The following ATF7IP variants were observed in gnomAD, a reference collection of about 807,000 sequenced individuals.
ATF7IP encodes the protein activating transcription factor 7-interacting protein 1.
Under a neutral mutation model 106.4 loss-of-function variants are expected in ATF7IP, and 23 were observed. That is an observed-to-expected ratio of 0.22 (90% confidence interval 0.16 to 0.31). The LOEUF (loss-of-function observed/expected upper bound fraction) is 0.31, where lower values mean the gene tolerates loss of function less well. ATF7IP is among the 10% of genes least tolerant of loss of function. The probability of loss-of-function intolerance (pLI) is 1.00; values close to 1 mark genes in which losing one functional copy is unlikely to be tolerated. For missense variants in ATF7IP, 1,334 were observed against 1,524.3 expected, an observed-to-expected ratio of 0.88 and a Z score of 2.08; for synonymous variants, 542 against 539.0, an observed-to-expected ratio of 1.01 and a Z score of -0.08.
At position 14,377,814 on chromosome 12, in the gene ATF7IP, A is replaced by G. The variant is rs137946866; in HGVS notation, c.-8+11987A>G. Among the ~76,000 whole-genome samples, 82 of 151,538 alleles carry G rather than the reference A, an allele frequency of 5.4e-4. 1 individual carries two copies. The East Asian group carries it at 0.013, about 25-fold the overall frequency. ...TTTTTAGTAGAGACAGGGTTTCACCATGTTGGTCAGGCTGGTCTCGAGCTC... is the reference window on the plus strand; with the variant it reads ...TTTTTAGTAGAGACAGGGTTTCACCGTGTTGGTCAGGCTGGTCTCGAGCTC... On this transcript the variant is annotated intron_variant, in intron 1 of 14. Coordinates refer to ENST00000261168, the MANE Select transcript of ATF7IP (RefSeq NM_018179.5).
intron 6 of ATF7IP, among the ~76,000 whole-genome samples, chr12:14,451,852 C>G (rs1042479725): frequency 2.0e-5 from 3 of 152,072 alleles, no homozygotes; most frequent in Non-Finnish European, 4.4e-5. Flanking sequence ...CAAGCTTATC[C>G]TATGTGTCTG....
In ATF7IP at chr12:14,498,399, C is replaced by T. The variant is rs1945075624; in HGVS notation, c.*326C>T. 1 of 227,756 alleles carries T rather than the reference C, an allele frequency of 4.4e-6. No homozygotes were observed. Among genetic ancestry groups the T allele is most frequent in the Admixed American group, 5.2e-5 (1 of 19,398 alleles). 14.1% of individuals were successfully genotyped at this position (227,756 alleles called of 1,614,324 possible). On this transcript the variant is annotated 3_prime_UTR_variant, in exon 15 of 15. Coordinates refer to ENST00000261168, the MANE Select transcript of ATF7IP (RefSeq NM_018179.5). ...CATTGGAGTCTCCCATTTTCATTCT[C>T]AAATTTACCTCTTAAAGTACGAAGT... is the stretch of plus-strand genomic sequence containing the variant.
In ATF7IP at chr12:14,424,395, C is replaced by T. The variant is rs1267070740; in HGVS notation, c.480C>T (p.Thr160=). 2 of 1,613,814 alleles carry T rather than the reference C, an allele frequency of 1.2e-6. No individual in the cohort carries two copies. The highest frequency in any genetic ancestry group is 4.5e-5 in the East Asian group (2 of 44,852). The part of the protein sequence containing the change: ...ASGDSTSGDP[T]SSEPSSSDAA... ...GTGATTCCACCTCTGGTGATCCCAC[C>T]TCTAGCGAGCCCTCCTCTAGTGATG... The change falls in exon 2 of 15, where the codon ACC becomes ACT. Residue 160 remains threonine (T), a synonymous_variant. Coordinates refer to ENST00000261168, the MANE Select transcript of ATF7IP (RefSeq NM_018179.5).
At chr12:14,378,486 A>G (rs1029440344) in intron 1 of ATF7IP, among the ~76,000 whole-genome samples, 3 of 152,190 alleles carry the variant, frequency 2.0e-5, no homozygotes, top group African/African-American at 7.2e-5. Context: ...CTTTCACAGG[A>G]TATTTTTCTC....
In ATF7IP at chr12:14,501,810, C is replaced by CTG. The variant is rs1294250933; in HGVS notation, c.*3738_*3739dup. 3.3e-5 allele frequency: 5 copies of CTG among 152,306 alleles called. No individual in the cohort carries two copies. The highest frequency in any genetic ancestry group is 1.3e-4 in the Admixed American group (2 of 15,302). The allele number at this position is 152,306 out of a possible 1,614,324, so 9.4% of individuals were successfully genotyped here. A position where few individuals can be genotyped will look rare whatever the true frequency, so the allele number is the denominator to read the frequency against. On this transcript the variant is annotated 3_prime_UTR_variant, in exon 15 of 15. Transcript: ENST00000261168. ...CAGGCTGTATCTTACAATTCCCTTA[C>CTG]TGCACTGGGTAAGTGTTAACTTAGT...
chr12:14,377,221 C>T (rs1283384702), intron 1 of ATF7IP, among the ~76,000 whole-genome samples: 1 of 151,980 alleles, frequency 6.6e-6, no homozygotes, highest in African/African-American at 2.4e-5. Flanking sequence ...TCTCGAACTC[C>T]TGAGCTCAAG....
chr12:14,376,924 T>C, intron 1 of ATF7IP, among the ~76,000 whole-genome samples: 1 of 150,128 alleles, frequency 6.7e-6, no homozygotes, highest in East Asian at 2.1e-4. Context: ...AAACTCCATC[T>C]CAAAAAAAAG....
intron 14 of ATF7IP, among the ~76,000 whole-genome samples, chr12:14,497,357 T>C (rs1465959067): frequency 6.6e-6 from 1 of 152,224 alleles, no homozygotes; most frequent in Non-Finnish European, 1.5e-5. Context: ...AGATCATTAC[T>C]TCCGTGTTCC....
intron 1 of ATF7IP, among the ~76,000 whole-genome samples, chr12:14,389,880 T>A (rs577630674): frequency 1.3e-5 from 2 of 152,336 alleles, no homozygotes; most frequent in South Asian, 4.1e-4. Flanking sequence ...CGCCTCGGCC[T>A]CCCAAAGTGC....
At chr12:14,472,740 A>C (rs1252243533) in intron 10 of ATF7IP, among the ~76,000 whole-genome samples, 2 of 152,070 alleles carry the variant, frequency 1.3e-5, no homozygotes, top group Non-Finnish European at 2.9e-5. Flanking sequence ...TACTGCATAT[A>C]TTCTTATGTC....
chr12:14,401,566 G>A (rs1940197423), intron 1 of ATF7IP, among the ~76,000 whole-genome samples: 1 of 148,096 alleles, frequency 6.8e-6, no homozygotes, highest in Non-Finnish European at 1.5e-5. Context: ...TCTTTTGGAT[G>A]ATTATTCTGT....
chr12:14,406,812 T>C (rs1458693500), intron 1 of ATF7IP, among the ~76,000 whole-genome samples: 2 of 151,914 alleles, frequency 1.3e-5, no homozygotes, highest in African/African-American at 4.8e-5. Context: ...CAGGCTGGTC[T>C]TGAACTCCTG....
intron 1 of ATF7IP, among the ~76,000 whole-genome samples, chr12:14,409,217 A>G (rs1940777458): frequency 6.6e-6 from 1 of 152,122 alleles, no homozygotes; most frequent in Non-Finnish European, 1.5e-5. Context: ...AAAAATTTCT[A>G]AAAGGATACC....
chr12:14,437,033 A>G (rs1942437021), intron 4 of ATF7IP, among the ~76,000 whole-genome samples: 2 of 152,190 alleles, frequency 1.3e-5, no homozygotes, highest in South Asian at 2.1e-4. Flanking sequence ...GAGGGTTAGT[A>G]TAAAAGTGGT....
intron 13 of ATF7IP, among the ~76,000 whole-genome samples, chr12:14,488,497 T>A (rs576776899): frequency 1.3e-5 from 2 of 152,260 alleles, no homozygotes; most frequent in South Asian, 2.1e-4. Context: ...GGCAGCTGAT[T>A]AGATTGTGCC....
intron 5 of ATF7IP, among the ~76,000 whole-genome samples, chr12:14,446,781 T>G (rs982093555): frequency 1.3e-5 from 2 of 152,196 alleles, no homozygotes; most frequent in African/African-American, 4.8e-5. Flanking sequence ...TACATCTGAG[T>G]ACTGAATTTA....
At chr12:14,374,186 C>T (rs1565468044) in intron 1 of ATF7IP, among the ~76,000 whole-genome samples, 1 of 151,416 alleles carries the variant, frequency 6.6e-6, no homozygotes, top group Non-Finnish European at 1.5e-5. Flanking sequence ...TAACCTTGAC[C>T]TCCTGGGCTC....
intron 6 of ATF7IP, among the ~76,000 whole-genome samples, chr12:14,451,821 G>C (rs1344046825): frequency 6.6e-6 from 1 of 152,108 alleles, no homozygotes; most frequent in Non-Finnish European, 1.5e-5. Context: ...AGAAGAATGT[G>C]TATTCTGCTG....
At chr12:14,427,105 A>G (rs1287703976) in intron 2 of ATF7IP, among the ~76,000 whole-genome samples, 2 of 148,888 alleles carry the variant, frequency 1.3e-5, no homozygotes, top group African/African-American at 5.1e-5. Flanking sequence ...TATCTGTATA[A>G]CAGAGGTTTT....
Sources: allele counts gnomAD v4.1 joint callset (sites outside exome capture counted in the v4.1 genomes callset), GRCh38; gene constraint gnomAD v4.1.1; transcripts MANE v1.5; gene names NCBI Gene and HGNC (gene_info 2026-07-23, HGNC 2026-07-21).